RECK: variants seen among roughly 807,000 people sequenced by gnomAD.
The protein encoded by RECK is reversion-inducing cysteine-rich protein with Kazal motifs.
RECK carries 69 observed loss-of-function variants against 115.1 expected under a neutral mutation model. The observed-to-expected ratio is 0.60, with a 90% CI of 0.49 to 0.73. The LOEUF (loss-of-function observed/expected upper bound fraction) is 0.73, where lower values mean the gene tolerates loss of function less well. RECK is among the 30% of genes least tolerant of loss of function. The pLI is 0.00. For missense variants in RECK, 1,047 were observed against 1,203.7 expected (o/e 0.87, Z 1.93); for synonymous variants, 414 against 419.7 (o/e 0.99, Z 0.17).
At chr9:36,044,693 C>T (rs1344040326) in intron 1 of RECK, among the ~76,000 whole-genome samples, 3 of 152,046 alleles carry the variant, frequency 2.0e-5, no homozygotes, top group Non-Finnish European at 2.9e-5. Context: ...TCAACATGGC[C>T]TAGAGTTGTT....
intron 1 of RECK, among the ~76,000 whole-genome samples, chr9:36,051,451 T>C (rs1432917319): frequency 6.6e-6 from 1 of 152,234 alleles, no homozygotes; most frequent in Non-Finnish European, 1.5e-5. Flanking sequence ...TACTCCTTAA[T>C]ATCATTCACT....
intron 5 of RECK, 30 bp from the exon 6 acceptor site, chr9:36,065,543 TAATA>T: frequency 6.5e-7 from 1 of 1,547,596 alleles, no homozygotes; most frequent in Non-Finnish European, 8.8e-7. Context: ...ATAGCATGTA[TAATA>T]AATTAATGGA....
intron 1 of RECK, among the ~76,000 whole-genome samples, chr9:36,042,927 A>G (rs1169528986): frequency 6.8e-6 from 1 of 147,418 alleles, no homozygotes; most frequent in Non-Finnish European, 1.5e-5. Flanking sequence ...CCTGGTAATT[A>G]GTGATGTTGA....
At chr9:36,071,235 A>G (rs1401655348) in intron 6 of RECK, among the ~76,000 whole-genome samples, 1 of 152,194 alleles carries the variant, frequency 6.6e-6, no homozygotes, top group Admixed American at 6.5e-5. Context: ...ATTTTCTTCT[A>G]GCCACCAAAA....
Position 36,037,099 on chromosome 9 carries a change from G to A in RECK, c.100+1G>A. On this transcript the variant is annotated splice_donor_variant, in intron 1 of 20. Transcript: ENST00000377966. LOFTEE classifies it high-confidence loss of function. Reference sequence around the variant, plus strand: ...GGGGGCCTGGCTCCGGGCAGTGCGGGTGAGTAACCTCCAGAGCAACGGTTC... The same window carrying A: ...GGGGGCCTGGCTCCGGGCAGTGCGGATGAGTAACCTCCAGAGCAACGGTTC... 3 of 1,321,144 alleles carry A rather than the reference G, an allele frequency of 2.3e-6. No homozygotes were observed. The highest frequency in any genetic ancestry group is 2.9e-6 in the Non-Finnish European group (3 of 1,030,382). 81.8% of individuals were successfully genotyped at this position (1,321,144 alleles called of 1,614,324 possible). A position where few individuals can be genotyped will look rare whatever the true frequency, so the allele number is the denominator to read the frequency against.
chr9:36,049,513 T>G (rs906692148), intron 1 of RECK, among the ~76,000 whole-genome samples: 3 of 151,308 alleles, frequency 2.0e-5, no homozygotes, highest in Admixed American at 6.6e-5. Flanking sequence ...AAAAAAAAAA[T>G]CTCGTAATGT....
chr9:36,098,754 G>A (rs912153045), intron 10 of RECK, among the ~76,000 whole-genome samples: 2 of 152,128 alleles, frequency 1.3e-5, no homozygotes, highest in Admixed American at 6.5e-5. Context: ...TCCAAACAAT[G>A]GGATAGCAAT....
intron 10 of RECK, among the ~76,000 whole-genome samples, chr9:36,096,017 G>GAGATCACATC (rs1336994800): frequency 6.8e-6 from 1 of 147,664 alleles, no homozygotes; most frequent in Non-Finnish European, 1.5e-5. Flanking sequence ...GCAGCGAGCT[G>GAGATCACATC]AGATCACATC....
intron 20 of RECK, 24 bp downstream of exon 20, chr9:36,121,712 G>C: frequency 1.9e-6 from 3 of 1,609,650 alleles, no homozygotes; most frequent in Non-Finnish European, 2.5e-6. Flanking sequence ...ATGTTGTGAA[G>C]CCATCTTGTC....
chr9:36,049,718 C>T (rs1821211730), intron 1 of RECK, among the ~76,000 whole-genome samples: 1 of 152,126 alleles, frequency 6.6e-6, no homozygotes, highest in Admixed American at 6.5e-5. Context: ...GGGAGAAAGG[C>T]CAGTCAAATT....
intron 1 of RECK, among the ~76,000 whole-genome samples, chr9:36,050,779 A>G (rs1053439397): frequency 2.0e-5 from 3 of 152,186 alleles, no homozygotes; most frequent in Admixed American, 6.5e-5. Context: ...CTTTGAACAC[A>G]CCAGAAACTT....
chr9:36,120,781 G>A (rs763140111), intron 19 of RECK, 45 bp downstream of exon 19: 1 of 1,239,378 alleles, frequency 8.1e-7, no homozygotes, highest in Non-Finnish European at 1.2e-6. Flanking sequence ...TTATTGCTAA[G>A]CCTCTCAGTA....
chr9:36,094,568 C>G lies in RECK; in HGVS notation c.1085+3225C>G, dbSNP rs1823269449. 6.6e-6 allele frequency among the ~76,000 whole-genome samples: 1 copy of G among 151,910 alleles called. No individual in the cohort carries two copies. Among genetic ancestry groups the G allele is most frequent in the Non-Finnish European group, 1.5e-5 (1 of 67,946 alleles). Reference sequence around the variant, plus strand: ...AAGAAAAAGGAGACAAATTGAAAACCACAGCAAAATGATAGAGACTTAAAC... The same window carrying G: ...AAGAAAAAGGAGACAAATTGAAAACGACAGCAAAATGATAGAGACTTAAAC... On this transcript the variant is annotated intron_variant, in intron 10 of 20. Transcript: ENST00000377966. The surrounding 1 kb of genome is among the most constrained non-coding windows in gnomAD (Gnocchi z 4.1).
At chr9:36,113,732 T>G (rs538983138) in intron 16 of RECK, among the ~76,000 whole-genome samples, 1 of 152,256 alleles carries the variant, frequency 6.6e-6, no homozygotes, top group Admixed American at 6.5e-5. Flanking sequence ...GTCCTTGTAA[T>G]ATAAAGAGCC....
At chr9:36,106,727 T>A (rs969630752) in intron 13 of RECK, among the ~76,000 whole-genome samples, 1 of 152,012 alleles carries the variant, frequency 6.6e-6, no homozygotes, top group African/African-American at 2.4e-5. Context: ...ACATTATAAG[T>A]TGGTCAGTAT....
chr9:36,098,444 C>A (rs1466387448), intron 10 of RECK, among the ~76,000 whole-genome samples: 1 of 152,200 alleles, frequency 6.6e-6, no homozygotes, highest in Non-Finnish European at 1.5e-5. Flanking sequence ...AGTGCCTCCT[C>A]ACCCTCACAA....
chr9:36,108,748 A>T lies in RECK; in HGVS notation c.1765+584A>T, dbSNP rs1823916796. ...TGTTAGGAGTTTGGAAAAAAAGTAC[A>T]TTAAAAAGTACTTTGACCACCTTCC... On this transcript the variant is annotated intron_variant, in intron 14 of 20. Transcript: ENST00000377966. Among the ~76,000 whole-genome samples, 3 of 152,144 alleles carry T rather than the reference A, an allele frequency of 2.0e-5. No homozygotes were observed. In the South Asian group the frequency reaches 6.2e-4, roughly 31 times the overall value.
rs553130285 is a variant in RECK at position 36,124,210 on chromosome 9, T to C, written c.*1165T>C. On this transcript the variant is annotated 3_prime_UTR_variant, in exon 21 of 21. Transcript: ENST00000377966. The stretch of plus-strand genomic sequence containing the variant: ...AAGCTATTTGATGTAATACTTCTTG[T>C]GTGTATGCACATGAACTTAGATTTT... The C allele has an allele frequency of 6.5e-6, 1 of 152,786 alleles. No individual in the cohort carries two copies. Among genetic ancestry groups the C allele is most frequent in the Non-Finnish European group, 1.5e-5 (1 of 68,034 alleles). 9.5% of individuals were successfully genotyped at this position (152,786 alleles called of 1,614,324 possible). A position where few individuals can be genotyped will look rare whatever the true frequency, so the allele number is the denominator to read the frequency against.
chr9:36,106,097 C>T (rs1823798705), intron 13 of RECK, among the ~76,000 whole-genome samples: 1 of 150,446 alleles, frequency 6.6e-6, no homozygotes, highest in Admixed American at 6.7e-5. Context: ...GTAGTCCCAG[C>T]TACTCGGGAG....
Sources: allele counts gnomAD v4.1 joint callset (sites outside exome capture counted in the v4.1 genomes callset), GRCh38; gene constraint gnomAD v4.1.1; non-coding constraint Gnocchi (gnomAD v3.1); transcripts MANE v1.5; gene names NCBI Gene and HGNC (gene_info 2026-07-23, HGNC 2026-07-21).